Variants in CIPC observed in about 807,000 individuals in gnomAD.
CIPC encodes the protein CLOCK interacting pacemaker, also known as CLOCK-interacting pacemaker.
Under a neutral mutation model 26.7 loss-of-function variants are expected in CIPC, and 12 were observed. That is an observed-to-expected ratio of 0.45 (90% CI 0.29 to 0.73). The LOEUF is 0.73. CIPC is among the 30% of genes least tolerant of loss of function. CIPC has a pLI of 0.12. For missense variants in CIPC, 417 were observed against 486.5 expected (o/e 0.86, Z 1.34); for synonymous variants, 170 against 189.8 (o/e 0.90, Z 0.86).
At chr14:77,102,071 G>C (rs755326815) in intron 1 of CIPC, among the ~76,000 whole-genome samples, 2 of 150,744 alleles carry the variant, frequency 1.3e-5, no homozygotes, top group African/African-American at 2.4e-5. Flanking sequence ...GAGCAACAGC[G>C]TGTGATCCAT....
chr14:77,099,194 T>C (rs1428911476), intron 1 of CIPC: 1 of 152,360 alleles, frequency 6.6e-6, no homozygotes, highest in African/African-American at 2.4e-5. Context: ...CGTGGGCTGG[T>C]GCGAATGGGT....
chr14:77,114,006 A>G lies in CIPC; in HGVS notation c.888A>G (p.Ala296=), dbSNP rs755146887. Residue 296 remains alanine (A), a synonymous_variant, in exon 4 of 4, where the codon GCA becomes GCG. Coordinates refer to ENST00000361786, the MANE Select transcript of CIPC (RefSeq NM_033426.3). ...ATTATAGCTCACCTTTATGGGCTGC[A>G]GAGCACCTCTGCCGCAGCCCAGATA... ...SANYSSPLWA[A]EHLCRSPDIF... The G allele has an allele frequency of 1.5e-5, 25 of 1,614,142 alleles. No homozygotes were observed. In the South Asian group the frequency reaches 2.2e-4, roughly 14 times the overall value.
chr14:77,113,906 C>T lies in CIPC; in HGVS notation c.788C>T (p.Ala263Val). 1.2e-6 allele frequency: 2 copies of T among 1,614,232 alleles called. No homozygotes were observed. Among genetic ancestry groups the T allele is most frequent in the African/African-American group, 1.3e-5 (1 of 75,066 alleles). Reference sequence around the variant, plus strand: ...CCCAGTCTGACCTTCGCTTCCCCCGCCAGTCCTGTCTGCGCATCAGACAGC... The same window carrying T: ...CCCAGTCTGACCTTCGCTTCCCCCGTCAGTCCTGTCTGCGCATCAGACAGC... ...KAPSLTFASP[A>V]SPVCASDSTL... The change falls in exon 4 of 4, where the codon GCC becomes GTC. Residue 263 changes from alanine (A) to valine (V), a missense_variant. Coordinates refer to ENST00000361786, the MANE Select transcript of CIPC (RefSeq NM_033426.3).
At chr14:77,109,786 G>A (rs1176712888) in intron 2 of CIPC, 26 bp from the exon 3 acceptor site, 1 of 1,600,128 alleles carries the variant, frequency 6.2e-7, no homozygotes, top group Middle Eastern at 1.7e-4. Context: ...GAGCCTGAGT[G>A]AGTTGACCAT....
At position 77,113,901 on chromosome 14, in the gene CIPC, C is replaced by T. The variant is rs1445453954; in HGVS notation, c.783C>T (p.Ser261=). Residue 261 remains serine, a synonymous_variant, in exon 4 of 4, where the codon TCC becomes TCT. Transcript: ENST00000361786. ...AAGCTCCCAGTCTGACCTTCGCTTC[C>T]CCCGCCAGTCCTGTCTGCGCATCAG... ...VAKAPSLTFA[S]PASPVCASDS... The T allele has an allele frequency of 6.2e-7, 1 of 1,614,090 alleles. No homozygotes were observed. The highest frequency in any genetic ancestry group is 1.3e-5 in the African/African-American group (1 of 74,934).
At chr14:77,103,830 A>G (rs1390053672) in intron 1 of CIPC, among the ~76,000 whole-genome samples, 2 of 152,058 alleles carry the variant, frequency 1.3e-5, no homozygotes, top group Admixed American at 1.3e-4. Context: ...CCAAATCTAC[A>G]TGACCATGCC....
Position 77,113,513 on chromosome 14 carries a change from C to G in CIPC, c.395C>G (p.Pro132Arg). 6.2e-7 allele frequency: 1 copy of G among 1,614,156 alleles called. No individual in the cohort carries two copies. The highest frequency in any genetic ancestry group is 8.5e-7 in the Non-Finnish European group (1 of 1,180,012). The change falls in exon 4 of 4, where the codon CCA becomes CGA. Residue 132 changes from proline (P) to arginine (R), a missense_variant. Coordinates refer to ENST00000361786, the MANE Select transcript of CIPC (RefSeq NM_033426.3). ...SAQPQLLFLH[P>R]PVPSPVSPCH... Reference sequence around the variant, plus strand: ...CAGCCACAGCTCTTATTCCTTCATCCACCTGTACCATCTCCTGTCAGTCCA... The same window carrying G: ...CAGCCACAGCTCTTATTCCTTCATCGACCTGTACCATCTCCTGTCAGTCCA...
chr14:77,111,971 G>C (rs1886711309), intron 3 of CIPC, among the ~76,000 whole-genome samples: 1 of 152,160 alleles, frequency 6.6e-6, no homozygotes, highest in Non-Finnish European at 1.5e-5. Flanking sequence ...CCCTAGCATT[G>C]CTTGCCTTAG....
chr14:77,103,419 A>G (rs963300062), intron 1 of CIPC, among the ~76,000 whole-genome samples: 9 of 152,150 alleles, frequency 5.9e-5, no homozygotes, highest in African/African-American at 1.7e-4. Flanking sequence ...TCTTCACTCA[A>G]AGAACAACAG....
intron 1 of CIPC, among the ~76,000 whole-genome samples, chr14:77,103,145 G>A (rs1886524716): frequency 6.6e-6 from 1 of 152,196 alleles, no homozygotes; most frequent in Non-Finnish European, 1.5e-5. Flanking sequence ...TAGATACGGG[G>A]CAAAATGATT....
chr14:77,101,782 T>C (rs1286196303), intron 1 of CIPC, among the ~76,000 whole-genome samples: 1 of 152,014 alleles, frequency 6.6e-6, no homozygotes, highest in Non-Finnish European at 1.5e-5. Context: ...AGAAATATGA[T>C]TGGACAAAAA....
In CIPC at chr14:77,113,972, T is replaced by A; in HGVS notation, c.854T>A (p.Leu285Gln). Residue 285 changes from leucine to glutamine, a missense_variant, in exon 4 of 4, where the codon CTG (leucine) becomes CAG (glutamine). Coordinates refer to ENST00000361786, the MANE Select transcript of CIPC (RefSeq NM_033426.3). ...GAGAGCAACTCTCCCCTTTCACCAC[T>A]GTCCGCTAATTATAGCTCACCTTTA... is the stretch of plus-strand genomic sequence containing the variant. ...GLESNSPLSP[L>Q]SANYSSPLWA... 1 of 1,614,240 alleles carries A rather than the reference T, an allele frequency of 6.2e-7. No homozygotes were observed. The highest frequency in any genetic ancestry group is 8.5e-7 in the Non-Finnish European group (1 of 1,180,036).
chr14:77,107,085 G>C (rs184940411), intron 2 of CIPC, among the ~76,000 whole-genome samples: 25 of 152,346 alleles, frequency 1.6e-4, no homozygotes, highest in African/African-American at 6.0e-4. Context: ...TCTGTTGTAT[G>C]ATCAGACAGG....
In CIPC at chr14:77,114,341, A is replaced by G; in HGVS notation, c.*23A>G. The G allele has an allele frequency of 6.4e-7, 1 of 1,561,738 alleles. No individual in the cohort carries two copies. ...TAGCACAGAGGCATATTTTCCTGTTACTTGAGTGGTTCTTTTAGCTCATTT... is the reference window on the plus strand; with the variant it reads ...TAGCACAGAGGCATATTTTCCTGTTGCTTGAGTGGTTCTTTTAGCTCATTT... On this transcript the variant is annotated 3_prime_UTR_variant, in exon 4 of 4. Coordinates refer to ENST00000361786, the MANE Select transcript of CIPC (RefSeq NM_033426.3).
At chr14:77,106,398 A>G (rs1886591340) in intron 2 of CIPC, among the ~76,000 whole-genome samples, 1 of 152,186 alleles carries the variant, frequency 6.6e-6, no homozygotes, top group Non-Finnish European at 1.5e-5. Flanking sequence ...TTGAGTATCT[A>G]TTAGAGATAA....
intron 2 of CIPC, among the ~76,000 whole-genome samples, chr14:77,107,552 A>T (rs1028409861): frequency 1.3e-5 from 2 of 152,088 alleles, no homozygotes; most frequent in Non-Finnish European, 2.9e-5. Context: ...AAAAATTTCA[A>T]ATCTATACAA....
intron 3 of CIPC, among the ~76,000 whole-genome samples, chr14:77,111,807 A>C (rs1886707174): frequency 6.6e-6 from 1 of 152,230 alleles, no homozygotes; most frequent in East Asian, 1.9e-4. Context: ...ATGGGAAAAC[A>C]ATGCATTAGA....
intron 2 of CIPC, among the ~76,000 whole-genome samples, chr14:77,107,654 ACACACT>A (rs374501981): frequency 0.022 from 2,874 of 132,776 alleles, 85 homozygotes; most frequent in African/African-American, 0.072. Flanking sequence ...ACACACACAC[ACACACT>A]CTCTCTCTGA....
chr14:77,115,462 A>G lies in CIPC; in HGVS notation c.*1144A>G, dbSNP rs1438741309. The G allele has an allele frequency of 6.6e-6, 1 of 152,220 alleles. No individual in the cohort carries two copies. Among genetic ancestry groups the G allele is most frequent in the Admixed American group, 6.5e-5 (1 of 15,288 alleles). 9.4% of individuals were successfully genotyped at this position (152,220 alleles called of 1,614,324 possible). ...TTCCTTCATGTGTTAGATATTGGCA[A>G]CAAAGCCAGAGGTGTAATGTTGGTT... On this transcript the variant is annotated 3_prime_UTR_variant, in exon 4 of 4. Transcript: ENST00000361786.
Sources: gnomAD v4.1 joint callset for allele counts (sites outside exome capture counted in the v4.1 genomes callset) on GRCh38, gnomAD v4.1.1 for gene constraint, MANE v1.5 for transcripts, NCBI Gene and HGNC (gene_info 2026-07-23, HGNC 2026-07-21) for gene names.